Variants in MERTK observed in about 807,000 individuals in gnomAD.
MERTK encodes the protein MER proto-oncogene, tyrosine kinase.
MERTK carries 69 observed loss-of-function variants against 99.3 expected under a neutral mutation model. The ratio of observed to expected loss-of-function variants is 0.70; its 90% CI spans 0.57 to 0.85. The LOEUF is 0.85. Among genes scored for constraint, MERTK ranks in the 40% least tolerant of loss-of-function variants. The pLI, the probability that MERTK is intolerant of heterozygous loss-of-function variation, is 0.00. For missense variants in MERTK, 1,125 were observed against 1,249.4 expected (o/e 0.90, Z 1.50); for synonymous variants, 426 against 467.6 (o/e 0.91, Z 1.15).
intron 8 of MERTK, among the ~76,000 whole-genome samples, chr2:111,988,906 G>A (rs539961211): frequency 3.3e-5 from 5 of 152,156 alleles, no homozygotes; most frequent in African/African-American, 1.2e-4. Context: ...CCAAGATGGC[G>A]CCACTGCACT....
chr2:112,027,470 T>C (rs1406359267), intron 18 of MERTK, among the ~76,000 whole-genome samples: 1 of 152,104 alleles, frequency 6.6e-6, no homozygotes, highest in Non-Finnish European at 1.5e-5. Flanking sequence ...CTAATTGTCA[T>C]CTGTCTTACT....
intron 7 of MERTK, among the ~76,000 whole-genome samples, chr2:111,978,277 G>A (rs1483609033): frequency 1.3e-5 from 2 of 152,024 alleles, no homozygotes; most frequent in Non-Finnish European, 2.9e-5. Context: ...AGCCTCCTGA[G>A]TAGCTGGGAT....
At chr2:111,926,390 T>C (rs932019348) in intron 1 of MERTK, among the ~76,000 whole-genome samples, 1 of 151,790 alleles carries the variant, frequency 6.6e-6, no homozygotes, top group Non-Finnish European at 1.5e-5. Flanking sequence ...CACAGATGAG[T>C]GTGCCCACCC....
intron 15 of MERTK, among the ~76,000 whole-genome samples, chr2:112,014,956 G>T (rs1038653810): frequency 6.6e-6 from 1 of 152,136 alleles, no homozygotes; most frequent in Non-Finnish European, 1.5e-5. Context: ...AACCTTTTGA[G>T]ACTGGCTTCC....
At chr2:111,901,107 A>G (rs1438445663) in intron 1 of MERTK, among the ~76,000 whole-genome samples, 1 of 152,224 alleles carries the variant, frequency 6.6e-6, no homozygotes, top group Non-Finnish European at 1.5e-5. Context: ...AACCAGGAGC[A>G]TTTCGAGGCT....
intron 9 of MERTK, chr2:111,995,084 G>A (rs888777981): frequency 4.9e-5 from 8 of 161,692 alleles, no homozygotes; most frequent in Middle Eastern, 1.0e-3. Context: ...GTTTTGCTGT[G>A]TTTGAAATAG....
intron 13 of MERTK, among the ~76,000 whole-genome samples, chr2:112,008,061 A>G (rs1237564345): frequency 1.2e-4 from 18 of 152,108 alleles, no homozygotes. Flanking sequence ...ATTATTAACC[A>G]GAGTCCATAT....
chr2:111,948,724 G>T (rs13007582), intron 4 of MERTK, among the ~76,000 whole-genome samples: 2 of 152,066 alleles, frequency 1.3e-5, no homozygotes, highest in African/African-American at 4.8e-5. Flanking sequence ...ACCCTGGTCC[G>T]TGTCACTGCC....
At chr2:112,025,586 G>A (rs1194625200) in intron 18 of MERTK, among the ~76,000 whole-genome samples, 1 of 152,114 alleles carries the variant, frequency 6.6e-6, no homozygotes, top group Non-Finnish European at 1.5e-5. Context: ...GGACAAGGTG[G>A]GAGTCACAGT....
At chr2:111,987,538 G>A (rs926104946) in intron 8 of MERTK, among the ~76,000 whole-genome samples, 1 of 152,138 alleles carries the variant, frequency 6.6e-6, no homozygotes, top group Non-Finnish European at 1.5e-5. Context: ...GTGGCACTAT[G>A]GATTTGATGT....
chr2:111,943,901 C>G (rs970228074), intron 2 of MERTK, among the ~76,000 whole-genome samples: 32 of 152,134 alleles, frequency 2.1e-4, no homozygotes, highest in African/African-American at 7.7e-4. Flanking sequence ...ATGGAGCCCC[C>G]CTAGTCATTG....
intron 15 of MERTK, among the ~76,000 whole-genome samples, chr2:112,011,759 A>G (rs973841666): frequency 6.6e-6 from 1 of 151,924 alleles, no homozygotes; most frequent in African/African-American, 2.4e-5. Context: ...TGAAAAAAAT[A>G]AAAAAAACAA....
At position 112,010,016 on chromosome 2, in the gene MERTK, G is replaced by T. The variant is rs755689637; in HGVS notation, c.2029G>T (p.Gly677Trp). Residue 677 changes from glycine to tryptophan, a missense_variant, in exon 15 of 19, where the codon GGG (glycine) becomes TGG (tryptophan). Coordinates refer to ENST00000295408, the MANE Select transcript of MERTK (RefSeq NM_006343.3). ...PMVILPFMKY[G>W]DLHTYLLYSR... Reference sequence around the variant, plus strand: ...GGTAATTTTACCCTTCATGAAATACGGGGACCTGCATACTTACTTACTTTA... The same window carrying T: ...GGTAATTTTACCCTTCATGAAATACTGGGACCTGCATACTTACTTACTTTA... 1 of 1,613,720 alleles carries T rather than the reference G, an allele frequency of 6.2e-7. No individual in the cohort carries two copies. Among genetic ancestry groups the T allele is most frequent in the African/African-American group, 1.3e-5 (1 of 74,862 alleles).
rs1343323671 is a variant in MERTK, at chr2:111,899,828, T to G, written c.61+1032T>G. On this transcript the variant is annotated intron_variant, in intron 1 of 18. Transcript: ENST00000295408. ...ACCGCGCCCGGCTTGTTCCAGGCAT[T>G]TTAATACAAGATGCTGGACTGATAC... 2.6e-5 allele frequency among the ~76,000 whole-genome samples: 4 copies of G among 152,020 alleles called. No individual in the cohort carries two copies. The East Asian group carries it at 5.8e-4, about 22-fold the overall frequency.
At chr2:111,914,943 AAGG>A (rs1234635202) in intron 1 of MERTK, among the ~76,000 whole-genome samples, 8 of 152,290 alleles carry the variant, frequency 5.3e-5, no homozygotes, top group African/African-American at 1.7e-4. Context: ...CTAATTTCTG[AAGG>A]AGATTATGTG....
intron 1 of MERTK, among the ~76,000 whole-genome samples, chr2:111,913,314 T>C (rs939624436): frequency 1.3e-5 from 2 of 152,224 alleles, no homozygotes; most frequent in Admixed American, 1.3e-4. Context: ...ATTTCTTTCA[T>C]CAGTGTTTTG....
intron 2 of MERTK, among the ~76,000 whole-genome samples, chr2:111,932,919 C>G (rs1573580910): frequency 6.6e-6 from 1 of 152,028 alleles, no homozygotes; most frequent in Non-Finnish European, 1.5e-5. Flanking sequence ...TGTCTCAGGT[C>G]AGGGAGGGGT....
chr2:111,991,312 G>A (rs1228625847), intron 8 of MERTK, among the ~76,000 whole-genome samples: 1 of 152,108 alleles, frequency 6.6e-6, no homozygotes. Context: ...TGCATCCTCC[G>A]TGTCCTGGGT....
At position 112,028,616 on chromosome 2, in the gene MERTK, G is replaced by T. The variant is rs745544181; in HGVS notation, c.2752G>T (p.Glu918Ter). The T allele has an allele frequency of 3.1e-6, 5 of 1,614,218 alleles. No homozygotes were observed. The Admixed American group carries it at 8.3e-5, about 27-fold the overall frequency. Residue 918 changes from glutamate to a stop codon, truncating the protein, a stop_gained, in exon 19 of 19, where the codon GAA becomes TAA. Coordinates refer to ENST00000295408, the MANE Select transcript of MERTK (RefSeq NM_006343.3). LOFTEE classifies it low-confidence loss of function (END_TRUNC). ...CGCTGCCATCAGTGTGGTCACAGCA[G>T]AAGTTCATGACAGCAAACCTCATGA... ...PRAAISVVTAEVHDSKPHEGR... is the reference protein window; with the variant it reads ...PRAAISVVTA
Sources: gnomAD v4.1 joint callset for allele counts (sites outside exome capture counted in the v4.1 genomes callset) on GRCh38, gnomAD v4.1.1 for gene constraint, MANE v1.5 for transcripts, NCBI Gene and HGNC (gene_info 2026-07-23, HGNC 2026-07-21) for gene names.